PKNOX1: variants seen among roughly 807,000 people sequenced by gnomAD.
PKNOX1 encodes the protein PBX/knotted 1 homeobox 1.
PKNOX1 carries 15 observed loss-of-function variants against 51.9 expected under a neutral mutation model. The observed-to-expected ratio is 0.29, with a 90% CI of 0.19 to 0.45. The LOEUF is 0.45. Ranked by LOEUF, PKNOX1 falls within the 20% of genes least tolerant of loss-of-function variation. The pLI is 1.00. For missense variants in PKNOX1, 462 were observed against 547.5 expected, an observed-to-expected ratio of 0.84 and a Z score of 1.56; for synonymous variants, 219 against 211.1, an observed-to-expected ratio of 1.04 and a Z score of -0.32.
chr21:43,004,440 TGAA>T lies in PKNOX1; in HGVS notation c.51+9_51+11del. Reference sequence around the variant, plus strand: ...TATCAAGATGGGCAACAGGTGAGCTTGAACTTGATTCTGCATTCTAATTACAAA... The same window carrying T: ...TATCAAGATGGGCAACAGGTGAGCTTCTTGATTCTGCATTCTAATTACAAA... On this transcript the variant is annotated intron_variant, in intron 2 of 10. Transcript: ENST00000291547. 4 of 1,583,456 alleles carry T rather than the reference TGAA, an allele frequency of 2.5e-6. No homozygotes were observed. The highest frequency in any genetic ancestry group is 3.5e-6 in the Non-Finnish European group (4 of 1,152,146).
chr21:43,030,324 A>T lies in PKNOX1; in HGVS notation c.*223A>T. The T allele has an allele frequency of 2.6e-6, 1 of 386,946 alleles. No individual in the cohort carries two copies. Among genetic ancestry groups the T allele is most frequent in the Non-Finnish European group, 4.6e-6 (1 of 216,578 alleles). 24.0% of individuals were successfully genotyped at this position (386,946 alleles called of 1,614,324 possible). On this transcript the variant is annotated 3_prime_UTR_variant, in exon 11 of 11. Coordinates refer to ENST00000291547, the MANE Select transcript of PKNOX1 (RefSeq NM_004571.5). ...GTGCGTGTGTGTGGATTTTTAAAGAAATTCTTTAAAGGTTTAACGCTAGAT... is the reference window on the plus strand; with the variant it reads ...GTGCGTGTGTGTGGATTTTTAAAGATATTCTTTAAAGGTTTAACGCTAGAT...
intron 1 of PKNOX1, among the ~76,000 whole-genome samples, chr21:42,994,280 G>C (rs950442981): frequency 1.3e-4 from 1 of 7,828 alleles, no homozygotes; most frequent in Admixed American, 1.3e-3. Flanking sequence ...GAGCTCAAAC[G>C]ATCCTTCCAC....
intron 9 of PKNOX1, among the ~76,000 whole-genome samples, chr21:43,026,939 A>G (rs1980009315): frequency 6.6e-6 from 1 of 152,168 alleles, no homozygotes; most frequent in Admixed American, 6.5e-5. Context: ...AATTGTAGAT[A>G]TTTTTAAATC....
intron 1 of PKNOX1, among the ~76,000 whole-genome samples, chr21:42,999,439 A>T (rs367791551): frequency 6.6e-6 from 1 of 152,016 alleles, no homozygotes; most frequent in Non-Finnish European, 1.5e-5. Flanking sequence ...ATGCAAATTT[A>T]TGCAGCCAGC....
intron 1 of PKNOX1, among the ~76,000 whole-genome samples, chr21:42,987,133 G>T (rs1018739666): frequency 6.6e-6 from 1 of 151,866 alleles, no homozygotes; most frequent in Non-Finnish European, 1.5e-5. Context: ...TGCAATCCCA[G>T]CACTTTGGGA....
In PKNOX1 at chr21:43,029,889, G is replaced by A; in HGVS notation, c.1100-1G>A. 6.2e-7 allele frequency: 1 copy of A among 1,611,490 alleles called. No homozygotes were observed. Among genetic ancestry groups the A allele is most frequent in the Non-Finnish European group, 8.5e-7 (1 of 1,177,816 alleles). On this transcript the variant is annotated splice_acceptor_variant, in intron 10 of 10. Coordinates refer to ENST00000291547, the MANE Select transcript of PKNOX1 (RefSeq NM_004571.5). LOFTEE classifies it high-confidence loss of function. ...AATGACACACCTTCATCCTGCCGCA[G>A]GAGCTGTTGTCACCATCACCACGCC...
At chr21:42,984,800 A>G (rs932243560) in intron 1 of PKNOX1, among the ~76,000 whole-genome samples, 2 of 151,884 alleles carry the variant, frequency 1.3e-5, no homozygotes, top group African/African-American at 4.8e-5. Flanking sequence ...AGTCCCTCTG[A>G]CCCACCAAGC....
rs568043564 is a variant in PKNOX1, at chr21:42,980,479, A to T, written c.-57+5815A>T. 3.3e-3 allele frequency among the ~76,000 whole-genome samples: 500 copies of T among 152,364 alleles called. 1 individual carries two copies. Among genetic ancestry groups the T allele is most frequent in the Non-Finnish European group, 5.9e-3 (399 of 68,036 alleles). On this transcript the variant is annotated intron_variant, in intron 1 of 10. Coordinates refer to ENST00000291547, the MANE Select transcript of PKNOX1 (RefSeq NM_004571.5). ...GCTTACACTTTTGTTGCAAATTGTT[A>T]AAAGTGTCTGAAACTGTTTAGAAGG...
Position 43,007,535 on chromosome 21 carries a change from C to T in PKNOX1, c.96C>T (p.Cys32=). ...TAAAGACAGAACAAGATCCAAACTGCTCTGAACCCGATGCAGAAGGAGTGA... is the reference window on the plus strand; with the variant it reads ...TAAAGACAGAACAAGATCCAAACTGTTCTGAACCCGATGCAGAAGGAGTGA... The part of the protein sequence containing the change: ...TELKTEQDPN[C]SEPDAEGVSP... Residue 32 remains cysteine (C), a synonymous_variant, in exon 3 of 11, where the codon TGC becomes TGT. Transcript: ENST00000291547. 1 of 1,613,826 alleles carries T rather than the reference C, an allele frequency of 6.2e-7. No homozygotes were observed. The highest frequency in any genetic ancestry group is 1.1e-5 in the South Asian group (1 of 91,072).
chr21:42,987,756 C>T (rs1352935451), intron 1 of PKNOX1, among the ~76,000 whole-genome samples: 2 of 150,644 alleles, frequency 1.3e-5, no homozygotes, highest in African/African-American at 4.9e-5. Context: ...GTAGCTGGGA[C>T]TACAGGTGCC....
At chr21:43,012,052 T>A (rs1450118180) in intron 4 of PKNOX1, among the ~76,000 whole-genome samples, 1 of 152,126 alleles carries the variant, frequency 6.6e-6, no homozygotes, top group Non-Finnish European at 1.5e-5. Context: ...CCTAGCAGAG[T>A]TTGACACTCC....
chr21:42,985,337 T>A (rs565767116), intron 1 of PKNOX1, among the ~76,000 whole-genome samples: 2 of 152,100 alleles, frequency 1.3e-5, no homozygotes, highest in African/African-American at 4.8e-5. Flanking sequence ...TTTTTGTTTG[T>A]TTGTTTGTTT....
At chr21:43,010,724 C>T (rs1255153071) in intron 4 of PKNOX1, among the ~76,000 whole-genome samples, 1 of 151,840 alleles carries the variant, frequency 6.6e-6, no homozygotes, top group Non-Finnish European at 1.5e-5. Context: ...ATTAGCCAGG[C>T]ATGGTGGCAC....
chr21:42,985,972 G>A (rs1031907615), intron 1 of PKNOX1, among the ~76,000 whole-genome samples: 2 of 143,692 alleles, frequency 1.4e-5, no homozygotes, highest in African/African-American at 5.2e-5. Context: ...TTGCAGTCTA[G>A]CCTGGGCAAC....
chr21:43,028,892 A>G lies in PKNOX1; in HGVS notation c.1099+18A>G. The G allele has an allele frequency of 6.2e-7, 1 of 1,612,958 alleles. No homozygotes were observed. The highest frequency in any genetic ancestry group is 1.1e-5 in the South Asian group (1 of 91,068). On this transcript the variant is annotated intron_variant, in intron 10 of 10. Coordinates refer to ENST00000291547, the MANE Select transcript of PKNOX1 (RefSeq NM_004571.5). Reference sequence around the variant, plus strand: ...GTCGGAAGGTACAGGTGGCCGGCCAAGGCCAGACATGGTGGACCATGGGGT... The same window carrying G: ...GTCGGAAGGTACAGGTGGCCGGCCAGGGCCAGACATGGTGGACCATGGGGT...
chr21:42,994,918 C>CTTTTTTTTTTTTTTTTTTT (rs11361350), intron 1 of PKNOX1, among the ~76,000 whole-genome samples: 3 of 113,574 alleles, frequency 2.6e-5, no homozygotes, highest in Non-Finnish European at 3.4e-5. Flanking sequence ...TTTCTTTCTT[C>CTTTTTTTTTTTTTTTTTTT]TTTTTTTTTT....
At chr21:43,028,650 T>A in intron 9 of PKNOX1, 52 bp from the exon 10 acceptor site, 4 of 1,540,812 alleles carry the variant, frequency 2.6e-6, no homozygotes, top group Non-Finnish European at 3.6e-6. Context: ...TAATCCTGTA[T>A]AGGGTCTTTA....
At chr21:42,979,497 C>CTT (rs1224485088) in intron 1 of PKNOX1, among the ~76,000 whole-genome samples, 1 of 152,208 alleles carries the variant, frequency 6.6e-6, no homozygotes, top group Non-Finnish European at 1.5e-5. Flanking sequence ...AATCCCAGCA[C>CTT]TTTGGGAGGC....
intron 4 of PKNOX1, 32 bp from the exon 5 acceptor site, chr21:43,013,036 T>G (rs1601293942): frequency 6.5e-7 from 1 of 1,542,486 alleles, no homozygotes; most frequent in East Asian, 2.3e-5. Context: ...TGCCACCTTT[T>G]TCTCTGAAAG....
Sources: allele counts gnomAD v4.1 joint callset (sites outside exome capture counted in the v4.1 genomes callset), GRCh38; gene constraint gnomAD v4.1.1; transcripts MANE v1.5; gene names NCBI Gene and HGNC (gene_info 2026-07-23, HGNC 2026-07-21).